The following GABRG1 variants were observed in gnomAD, a reference collection of about 807,000 sequenced individuals.
GABRG1 encodes the protein gamma-aminobutyric acid type A receptor subunit gamma1.
Under a neutral mutation model 49.8 loss-of-function variants are expected in GABRG1, and 49 were observed. That is an observed-to-expected ratio of 0.98 (90% confidence interval 0.78 to 1.25). The LOEUF (loss-of-function observed/expected upper bound fraction) is 1.25, where lower values mean the gene tolerates loss of function less well. Ranked by LOEUF, GABRG1 falls within the 50% of genes most tolerant of loss-of-function variation. The pLI is 0.00. For missense variants in GABRG1, 552 were observed against 552.3 expected (o/e 1.00, Z 0.01); for synonymous variants, 232 against 185.1 (o/e 1.25, Z -2.06).
At chr4:46,070,935 A>G (rs1719094923) in intron 3 of GABRG1, among the ~76,000 whole-genome samples, 1 of 152,128 alleles carries the variant, frequency 6.6e-6, no homozygotes, top group Admixed American at 6.6e-5. Context: ...ATACCTTCAC[A>G]GCAACATCTG....
chr4:46,037,266 A>G lies in GABRG1; in HGVS notation c.*3722T>C, dbSNP rs979766749. 2.6e-5 allele frequency: 4 copies of G among 151,888 alleles called. No homozygotes were observed. Among genetic ancestry groups the G allele is most frequent in the Non-Finnish European group, 5.9e-5 (4 of 67,872 alleles). 9.4% of individuals were successfully genotyped at this position (151,888 alleles called of 1,614,324 possible). ...CCTCACTTCCGAAATGCAAACACAA[A>G]AAGTCAGAGCTGACCTTACATTAAC... On this transcript the variant is annotated 3_prime_UTR_variant, in exon 9 of 9. Transcript: ENST00000295452.
intron 1 of GABRG1, among the ~76,000 whole-genome samples, chr4:46,120,816 A>AT (rs970959795): frequency 1.3e-4 from 20 of 151,838 alleles, no homozygotes; most frequent in African/African-American, 2.6e-4. Context: ...GAAAATTGTG[A>AT]TTTTTTCCTG....
chr4:46,064,316 A>G, intron 5 of GABRG1, 125 bp downstream of exon 5: 1 of 524,608 alleles, frequency 1.9e-6, no homozygotes, highest in Non-Finnish European at 3.4e-6. Context: ...TAATTATTTT[A>G]TCTAAAAGAA....
Position 46,039,377 on chromosome 4 carries a change from A to G in GABRG1, c.*1611T>C, listed in dbSNP as rs966771972. 4 of 151,682 alleles carry G rather than the reference A, an allele frequency of 2.6e-5. No individual in the cohort carries two copies. Among genetic ancestry groups the G allele is most frequent in the African/African-American group, 9.7e-5 (4 of 41,410 alleles). 9.4% of individuals were successfully genotyped at this position (151,682 alleles called of 1,614,324 possible). ...CACACAGTAAATTATAAATAAATTA[A>G]TTAAAAATTTAAAAAACTAGATATT... On this transcript the variant is annotated 3_prime_UTR_variant, in exon 9 of 9. Coordinates refer to ENST00000295452, the MANE Select transcript of GABRG1 (RefSeq NM_173536.4).
rs71652878 is a variant in GABRG1, at chr4:46,118,243, G to GATCTATCT, written c.104+5559_104+5566dup. Among the ~76,000 whole-genome samples, 867 of 144,532 alleles carry GATCTATCT rather than the reference G, an allele frequency of 6.0e-3. 10 individuals carry two copies. Among genetic ancestry groups the GATCTATCT allele is most frequent in the Middle Eastern group, 0.014 (4 of 284 alleles). 94.8% of individuals were successfully genotyped at this position (144,532 alleles called of 152,430 possible). A position where few individuals can be genotyped will look rare whatever the true frequency, so the allele number is the denominator to read the frequency against. On this transcript the variant is annotated intron_variant, in intron 1 of 8. Transcript: ENST00000295452. ...GATGTAAGGATATATATTACATATA[G>GATCTATCT]ATCTATCTATCTATCTATCTATCTA...
At chr4:46,046,508 A>G (rs530647388) in intron 8 of GABRG1, among the ~76,000 whole-genome samples, 2 of 152,250 alleles carry the variant, frequency 1.3e-5, no homozygotes, top group Admixed American at 1.3e-4. Context: ...TTTGCCAAAT[A>G]CTATTATAAG....
chr4:46,062,322 G>A (rs1055906287), intron 5 of GABRG1, among the ~76,000 whole-genome samples: 2 of 151,818 alleles, frequency 1.3e-5, no homozygotes, highest in African/African-American at 4.8e-5. Flanking sequence ...TGTGAATAGT[G>A]CCGCAATAAA....
At chr4:46,043,418 T>C (rs899663104) in intron 8 of GABRG1, among the ~76,000 whole-genome samples, 3 of 151,760 alleles carry the variant, frequency 2.0e-5, no homozygotes, top group African/African-American at 7.3e-5. Flanking sequence ...AAACTACACA[T>C]CAGTGAACAA....
At chr4:46,104,594 A>G (rs1190769257) in intron 1 of GABRG1, among the ~76,000 whole-genome samples, 4 of 151,496 alleles carry the variant, frequency 2.6e-5, no homozygotes, top group African/African-American at 9.7e-5. Flanking sequence ...TTTTCATTGC[A>G]TTACATTCCT....
chr4:46,049,106 A>C (rs967441096), intron 8 of GABRG1, among the ~76,000 whole-genome samples: 1 of 151,814 alleles, frequency 6.6e-6, no homozygotes, highest in Non-Finnish European at 1.5e-5. Context: ...AAATGGGGAG[A>C]TTGAAGGAAA....
intron 7 of GABRG1, among the ~76,000 whole-genome samples, chr4:46,053,022 T>A (rs374906074): frequency 9.2e-5 from 14 of 152,022 alleles, no homozygotes; most frequent in Middle Eastern, 3.4e-3. Context: ...AGCTCTGTGA[T>A]CTTAACAAAG....
Position 46,058,517 on chromosome 4 carries a change from C to A in GABRG1, c.731G>T (p.Arg244Leu). ...RLYQFAFVGL[R>L]NSTEITHTIS... ...CGTGTGAGTGATTTCAGTTGAGTTC[C>A]GTAACCCTACAAATGCAAACTGATA... Residue 244 changes from arginine (R) to leucine (L), a missense_variant, in exon 6 of 9, where the codon CGG becomes CTG. Physicochemically the swap from Arg to Leu is moderately radical, Grantham distance 102. Coordinates refer to ENST00000295452, the MANE Select transcript of GABRG1 (RefSeq NM_173536.4). 6.2e-7 allele frequency: 1 copy of A among 1,613,130 alleles called. No homozygotes were observed. Among genetic ancestry groups the A allele is most frequent in the Non-Finnish European group, 8.5e-7 (1 of 1,179,506 alleles).
chr4:46,060,940 T>C (rs1395940056), intron 5 of GABRG1, among the ~76,000 whole-genome samples: 2 of 152,148 alleles, frequency 1.3e-5, no homozygotes, highest in African/African-American at 2.4e-5. Flanking sequence ...TCCACACATA[T>C]TTGTTGTGAA....
At position 46,039,254 on chromosome 4, in the gene GABRG1, G is replaced by C. The variant is rs900720544; in HGVS notation, c.*1734C>G. On this transcript the variant is annotated 3_prime_UTR_variant, in exon 9 of 9. Coordinates refer to ENST00000295452, the MANE Select transcript of GABRG1 (RefSeq NM_173536.4). ...TAGTTTGGCTGTTCATTCAAGAAAA[G>C]CAGTGTCGGTGGATATTGGGCATTA... 3 of 151,202 alleles carry C rather than the reference G, an allele frequency of 2.0e-5. No individual in the cohort carries two copies. Among genetic ancestry groups the C allele is most frequent in the African/African-American group, 7.3e-5 (3 of 41,226 alleles). 9.4% of individuals were successfully genotyped at this position (151,202 alleles called of 1,614,324 possible). A position where few individuals can be genotyped will look rare whatever the true frequency, so the allele number is the denominator to read the frequency against.
chr4:46,110,464 C>G (rs1055479511), intron 1 of GABRG1, among the ~76,000 whole-genome samples: 1 of 150,932 alleles, frequency 6.6e-6, no homozygotes, highest in Non-Finnish European at 1.5e-5. Flanking sequence ...TCTATCCAAC[C>G]TGCCACTCTG....
Position 46,038,222 on chromosome 4 carries a change from T to A in GABRG1, c.*2766A>T, listed in dbSNP as rs543796154. 6 of 151,804 alleles carry A rather than the reference T, an allele frequency of 4.0e-5. No homozygotes were observed. Among genetic ancestry groups the A allele is most frequent in the Non-Finnish European group, 7.4e-5 (5 of 67,700 alleles). 9.4% of individuals were successfully genotyped at this position (151,804 alleles called of 1,614,324 possible). On this transcript the variant is annotated 3_prime_UTR_variant, in exon 9 of 9. Transcript: ENST00000295452. ...GTATTTTTTACTTTTTTTTAGAACT[T>A]ACTTGGGTTTACAAAAATTAATTTA...
chr4:46,074,550 C>A (rs1418359133), intron 3 of GABRG1, among the ~76,000 whole-genome samples: 1 of 152,074 alleles, frequency 6.6e-6, no homozygotes, highest in African/African-American at 2.4e-5. Flanking sequence ...GCTTATCATA[C>A]AGTTTTAACA....
At chr4:46,094,116 C>T (rs1046254110) in intron 2 of GABRG1, among the ~76,000 whole-genome samples, 1 of 151,870 alleles carries the variant, frequency 6.6e-6, no homozygotes, top group African/African-American at 2.4e-5. Context: ...AAGTCTAAAG[C>T]AGTACATGAG....
intron 2 of GABRG1, among the ~76,000 whole-genome samples, chr4:46,088,032 A>G (rs1014188359): frequency 3.3e-5 from 5 of 152,116 alleles, no homozygotes; most frequent in African/African-American, 1.2e-4. Flanking sequence ...CAAGTACAGA[A>G]CAGCCACTTG....
Sources: gnomAD v4.1 joint callset for allele counts (sites outside exome capture counted in the v4.1 genomes callset) on GRCh38, gnomAD v4.1.1 for gene constraint, MANE v1.5 for transcripts, NCBI Gene and HGNC (gene_info 2026-07-23, HGNC 2026-07-21) for gene names.